HYCC1: variants seen among roughly 807,000 people sequenced by gnomAD.
The protein encoded by HYCC1 is hyccin PI4KA lipid kinase complex subunit 1.
At chr7:22,900,444 T>C in the HYCC1 span, among the ~76,000 whole-genome samples, 1 of 152,230 alleles carries the variant, frequency 6.6e-6, no homozygotes, top group African/African-American at 2.4e-5. Flanking sequence ...TCACTATCCA[T>C]GGACAATGGT....
the HYCC1 span, among the ~76,000 whole-genome samples, chr7:22,923,139 A>G: frequency 1.3e-5 from 2 of 152,206 alleles, no homozygotes; most frequent in African/African-American, 4.8e-5. Context: ...AAACCATCTC[A>G]GGAATAGATC....
chr7:23,009,279 AG>A, the HYCC1 span, among the ~76,000 whole-genome samples: 1 of 152,150 alleles, frequency 6.6e-6, no homozygotes. Flanking sequence ...TTATTATATT[AG>A]TAATTAAGAA....
chr7:23,014,040 C>G, the HYCC1 span: 1 of 471,080 alleles, frequency 2.1e-6, no homozygotes, highest in South Asian at 1.5e-5. Flanking sequence ...CCCCTTCTTC[C>G]TAGCAGAACG....
chr7:22,988,885 C>T, the HYCC1 span, among the ~76,000 whole-genome samples: 2 of 152,162 alleles, frequency 1.3e-5, no homozygotes, highest in Admixed American at 6.6e-5. Flanking sequence ...CCCTTCACCC[C>T]AACCACCTAC....
At chr7:22,957,403 G>A in the HYCC1 span, among the ~76,000 whole-genome samples, 3 of 150,894 alleles carry the variant, frequency 2.0e-5, no homozygotes, top group African/African-American at 7.3e-5. Context: ...ATAGAAAGAG[G>A]AGAAATTAGA....
At chr7:23,012,189 T>C in the HYCC1 span, among the ~76,000 whole-genome samples, 2 of 152,190 alleles carry the variant, frequency 1.3e-5, no homozygotes, top group Non-Finnish European at 2.9e-5. Context: ...TAAGATTTCT[T>C]AAAATTTCTT....
chr7:22,939,140 C>G, the HYCC1 span: 1 of 152,124 alleles, frequency 6.6e-6, no homozygotes, highest in Non-Finnish European at 1.5e-5. Context: ...TTATCTATTC[C>G]TCTATTAACA....
the HYCC1 span, among the ~76,000 whole-genome samples, chr7:22,962,543 C>T: frequency 1.1e-4 from 16 of 149,682 alleles, no homozygotes; most frequent in African/African-American, 3.2e-4. Context: ...CACCCCCCAG[C>T]GAACAAGTGA....
At chr7:22,907,350 T>C in the HYCC1 span, among the ~76,000 whole-genome samples, 4 of 152,198 alleles carry the variant, frequency 2.6e-5, no homozygotes, top group East Asian at 1.9e-4. Context: ...AGCCAAAAAC[T>C]GGCTGAGGCT....
At chr7:23,009,273 T>G in the HYCC1 span, among the ~76,000 whole-genome samples, 1 of 152,138 alleles carries the variant, frequency 6.6e-6, no homozygotes, top group Admixed American at 6.5e-5. Flanking sequence ...CAATGATTAT[T>G]ATATTAGTAA....
the HYCC1 span, among the ~76,000 whole-genome samples, chr7:22,918,005 C>A: frequency 3.9e-5 from 6 of 152,206 alleles, no homozygotes; most frequent in African/African-American, 4.8e-5. Flanking sequence ...CTCTTTCCTC[C>A]AAAATTGCTG....
chr7:22,978,267 A>G, the HYCC1 span: 1 of 1,613,938 alleles, frequency 6.2e-7, no homozygotes, highest in Non-Finnish European at 8.5e-7. Flanking sequence ...TTAAATACAA[A>G]CCAAATTGTA....
the HYCC1 span, among the ~76,000 whole-genome samples, chr7:23,001,824 C>T: frequency 6.6e-6 from 1 of 151,854 alleles, no homozygotes; most frequent in Admixed American, 6.6e-5. Context: ...CAAAATTAGA[C>T]CAAAATTCTT....
the HYCC1 span, among the ~76,000 whole-genome samples, chr7:22,951,656 A>G: frequency 6.6e-6 from 1 of 151,890 alleles, no homozygotes; most frequent in African/African-American, 2.4e-5. Flanking sequence ...TGTATTCATT[A>G]AGCTATTCCT....
the HYCC1 span, among the ~76,000 whole-genome samples, chr7:22,900,684 C>A: frequency 6.6e-6 from 1 of 151,624 alleles, no homozygotes; most frequent in Non-Finnish European, 1.5e-5. Context: ...GTTTAAAAAA[C>A]AATAAGATGG....
At chr7:22,946,083 T>C in the HYCC1 span, 1 of 1,613,644 alleles carries the variant, frequency 6.2e-7, no homozygotes, top group Non-Finnish European at 8.5e-7. Flanking sequence ...TGGCTGGTAC[T>C]AGACGCAGCC....
At chr7:23,005,875 C>T in the HYCC1 span, among the ~76,000 whole-genome samples, 1 of 152,174 alleles carries the variant, frequency 6.6e-6, no homozygotes, top group African/African-American at 2.4e-5. Flanking sequence ...TTCCCCCATC[C>T]ATTTCTATAA....
At chr7:23,007,481 A>G in the HYCC1 span, among the ~76,000 whole-genome samples, 3 of 152,180 alleles carry the variant, frequency 2.0e-5, no homozygotes, top group African/African-American at 7.2e-5. Context: ...ACAAGCACAT[A>G]TTAAGATCTT....
chr7:22,946,701 A>C, the HYCC1 span, among the ~76,000 whole-genome samples: 1 of 152,216 alleles, frequency 6.6e-6, no homozygotes, highest in East Asian at 1.9e-4. Context: ...AAGATGGCAA[A>C]AAGACAAAGC....
Sources: allele counts gnomAD v4.1 joint callset (sites outside exome capture counted in the v4.1 genomes callset), GRCh38; gene constraint gnomAD v4.1.1; transcripts MANE v1.5; gene names NCBI Gene and HGNC (gene_info 2026-07-23, HGNC 2026-07-21).